STRBP: variants seen among roughly 807,000 people sequenced by gnomAD.
The protein encoded by STRBP is spermatid perinuclear RNA-binding protein.
STRBP carries 13 observed loss-of-function variants against 80.1 expected under a neutral mutation model. That is an observed-to-expected ratio of 0.16 (90% confidence interval 0.11 to 0.26). The LOEUF is 0.26. Among genes scored for constraint, STRBP ranks in the 10% least tolerant of loss-of-function variants. The pLI is 1.00. For synonymous variants in STRBP, 284 were observed against 291.2 expected, an observed-to-expected ratio of 0.98 and a Z score of 0.25; for missense variants, 485 against 815.2, an observed-to-expected ratio of 0.59 and a Z score of 4.93.
intron 1 of STRBP, among the ~76,000 whole-genome samples, chr9:123,260,759 G>C (rs1429895251): frequency 6.6e-6 from 1 of 152,132 alleles, no homozygotes; most frequent in Non-Finnish European, 1.5e-5. Flanking sequence ...TTGTGAGTGA[G>C]GGCTGAGCAG....
chr9:123,260,090 A>G (rs961169897), intron 1 of STRBP, among the ~76,000 whole-genome samples: 2 of 152,258 alleles, frequency 1.3e-5, no homozygotes, highest in Non-Finnish European at 2.9e-5. Flanking sequence ...GCAGCTAAAA[A>G]AGGCACTGTG....
chr9:123,262,836 G>T (rs2041186715), intron 1 of STRBP, among the ~76,000 whole-genome samples: 1 of 152,118 alleles, frequency 6.6e-6, no homozygotes, highest in East Asian at 1.9e-4. Flanking sequence ...TACAAATCAG[G>T]TCACTTGGTC....
At chr9:123,151,673 G>A (rs1050068614) in intron 11 of STRBP, among the ~76,000 whole-genome samples, 1 of 152,128 alleles carries the variant, frequency 6.6e-6, no homozygotes, top group African/African-American at 2.4e-5. Flanking sequence ...AGACTGTGAT[G>A]TACATAAATC....
chr9:123,117,203 ACGACAGCC>A (rs2035660325), downstream of STRBP, among the ~76,000 whole-genome samples: 2 of 152,160 alleles, frequency 1.3e-5, no homozygotes, highest in Non-Finnish European at 2.9e-5. Flanking sequence ...GCTCTAGAAC[ACGACAGCC>A]TGGGATTCAA....
chr9:123,124,392 T>C lies in STRBP; in HGVS notation c.*1205A>G, dbSNP rs2035821276. ...TGAGAATGCAAGTGGAGGACTTAGGTCTGCACCCTTTACAGAACAGCACAA... is the reference window on the plus strand; with the variant it reads ...TGAGAATGCAAGTGGAGGACTTAGGCCTGCACCCTTTACAGAACAGCACAA... On this transcript the variant is annotated 3_prime_UTR_variant, in exon 19 of 19. Coordinates refer to ENST00000348403, the MANE Select transcript of STRBP (RefSeq NM_018387.5). The C allele has an allele frequency of 3.3e-5, 33 of 985,402 alleles. No individual in the cohort carries two copies. Among genetic ancestry groups the C allele is most frequent in the Non-Finnish European group, 4.0e-5 (33 of 829,942 alleles). 61.0% of individuals were successfully genotyped at this position (985,402 alleles called of 1,614,324 possible). A position where few individuals can be genotyped will look rare whatever the true frequency, so the allele number is the denominator to read the frequency against.
At chr9:123,170,182 AC>A in intron 5 of STRBP, 136 bp from the exon 6 acceptor site, 1 of 750,150 alleles carries the variant, frequency 1.3e-6, no homozygotes, top group South Asian at 2.2e-5. Context: ...AAAGCCTGTA[AC>A]TAGTTCTTTA....
chr9:123,111,288 T>TA (rs2035562145), intron 3 of STRBP: 1 of 210,630 alleles, frequency 4.7e-6, no homozygotes, highest in African/African-American at 2.4e-5. Context: ...GAGCACGAGA[T>TA]ACCCAGAACA....
chr9:123,265,509 A>G (rs760476826), intron 1 of STRBP, among the ~76,000 whole-genome samples: 15 of 152,202 alleles, frequency 9.9e-5, no homozygotes, highest in South Asian at 2.1e-4. Flanking sequence ...AAATCTGACA[A>G]GACTTAATTT....
chr9:123,239,628 ATC>A (rs1358716788), intron 1 of STRBP, among the ~76,000 whole-genome samples: 2 of 152,250 alleles, frequency 1.3e-5, no homozygotes, highest in African/African-American at 4.8e-5. Flanking sequence ...AAGGACTGTC[ATC>A]TCTTTTTCCT....
chr9:123,113,883 C>T (rs1464873976), intron 3 of STRBP: 1 of 167,158 alleles, frequency 6.0e-6, no homozygotes, highest in Admixed American at 6.5e-5. Flanking sequence ...TACGCACTGT[C>T]TCTGGCTGCT....
intron 13 of STRBP, among the ~76,000 whole-genome samples, chr9:123,144,147 G>A (rs1371499479): frequency 2.0e-5 from 3 of 147,434 alleles, no homozygotes; most frequent in Non-Finnish European, 4.4e-5. Flanking sequence ...GCAGTGAGCT[G>A]AGATTGCACC....
At chr9:123,167,277 A>C (rs990166482) in intron 6 of STRBP, among the ~76,000 whole-genome samples, 5 of 152,078 alleles carry the variant, frequency 3.3e-5, no homozygotes, top group African/African-American at 1.2e-4. Context: ...AAAAAGTTAC[A>C]ATGGATTTTT....
At chr9:123,114,544 G>A (rs2035614956) in intron 3 of STRBP, 1 of 167,162 alleles carries the variant, frequency 6.0e-6, no homozygotes, top group African/African-American at 2.4e-5. Flanking sequence ...CAGAAAGGGT[G>A]AAGATGCTGA....
intron 2 of STRBP, among the ~76,000 whole-genome samples, chr9:123,220,416 A>G (rs1388045601): frequency 6.6e-6 from 1 of 152,244 alleles, no homozygotes; most frequent in Non-Finnish European, 1.5e-5. Flanking sequence ...AACACAATCT[A>G]AATGTATCCA....
chr9:123,181,580 T>C (rs2038458831), intron 3 of STRBP, among the ~76,000 whole-genome samples: 1 of 151,852 alleles, frequency 6.6e-6, no homozygotes. Flanking sequence ...GCGGATCACC[T>C]GAGGTCGGCA....
chr9:123,260,709 T>C (rs2041143556), intron 1 of STRBP, among the ~76,000 whole-genome samples: 1 of 152,188 alleles, frequency 6.6e-6, no homozygotes, highest in Admixed American at 6.5e-5. Flanking sequence ...ATGTCTAAGA[T>C]TGACTGTAAA....
chr9:123,163,600 C>T (rs2037619013), intron 6 of STRBP, among the ~76,000 whole-genome samples: 4 of 152,150 alleles, frequency 2.6e-5, no homozygotes, highest in South Asian at 4.1e-4. Context: ...TAATTCATCT[C>T]ATTTTATCTT....
intron 2 of STRBP, among the ~76,000 whole-genome samples, chr9:123,224,203 C>A (rs2132561656): frequency 1.3e-5 from 2 of 152,294 alleles, no homozygotes; most frequent in African/African-American, 4.8e-5. Flanking sequence ...TTAAGCTAAC[C>A]AAATTCACAC....
chr9:123,257,589 A>T (rs1588162169), intron 1 of STRBP, among the ~76,000 whole-genome samples: 1 of 152,210 alleles, frequency 6.6e-6, no homozygotes, highest in South Asian at 2.1e-4. Context: ...CCCAGGCAGG[A>T]GGATGGCTTG....
Sources: gnomAD v4.1 joint callset for allele counts (sites outside exome capture counted in the v4.1 genomes callset) on GRCh38, gnomAD v4.1.1 for gene constraint, MANE v1.5 for transcripts, NCBI Gene and HGNC (gene_info 2026-07-23, HGNC 2026-07-21) for gene names.